Variants in KIAA1217 observed in about 807,000 individuals in gnomAD.
KIAA1217 encodes sickle tail protein homolog.
KIAA1217 carries 88 observed loss-of-function variants against 163.9 expected under a neutral mutation model. That is an observed-to-expected ratio of 0.54 (90% CI 0.45 to 0.64). The LOEUF (loss-of-function observed/expected upper bound fraction) is 0.64, where lower values mean the gene tolerates loss of function less well. KIAA1217 is among the 30% of genes least tolerant of loss of function. KIAA1217 has a pLI of 0.00. For synonymous variants in KIAA1217, 903 were observed against 923.1 expected (o/e 0.98, Z 0.39); for missense variants, 2,372 against 2,475.0 (o/e 0.96, Z 0.88).
At chr10:23,987,163 G>T (rs556373760) in intron 1 of KIAA1217, among the ~76,000 whole-genome samples, 17 of 152,106 alleles carry the variant, frequency 1.1e-4, no homozygotes, top group Admixed American at 3.9e-4. Context: ...GTATCACGAG[G>T]TCAGGAGATC....
chr10:23,853,761 G>A (rs1166277228), intron 1 of KIAA1217, among the ~76,000 whole-genome samples: 3 of 152,148 alleles, frequency 2.0e-5, no homozygotes, highest in Admixed American at 2.0e-4. Context: ...GTGTGTCGAG[G>A]AATTTATCCA....
At chr10:24,202,083 G>A in intron 2 of KIAA1217, among the ~76,000 whole-genome samples, 1 of 152,208 alleles carries the variant, frequency 6.6e-6, no homozygotes, top group Non-Finnish European at 1.5e-5. Context: ...CCTCCCGGGG[G>A]TGACATGGAA....
intron 2 of KIAA1217, among the ~76,000 whole-genome samples, chr10:24,291,153 G>A (rs974069147): frequency 6.6e-6 from 1 of 152,152 alleles, no homozygotes; most frequent in Non-Finnish European, 1.5e-5. Flanking sequence ...AAAGACCCAC[G>A]ATAACTTTTC....
intron 2 of KIAA1217, among the ~76,000 whole-genome samples, chr10:24,262,394 G>C (rs1030916913): frequency 6.6e-6 from 1 of 152,164 alleles, no homozygotes; most frequent in African/African-American, 2.4e-5. Flanking sequence ...TTGGGAGGCC[G>C]AGGTGGGTGG....
intron 3 of KIAA1217, among the ~76,000 whole-genome samples, chr10:24,385,979 C>T (rs1441534601): frequency 2.0e-5 from 3 of 152,120 alleles, no homozygotes; most frequent in East Asian, 1.9e-4. Flanking sequence ...ACTGCGTAGT[C>T]GGCCTTCGGG....
rs77947892 is a variant in KIAA1217 at position 24,007,765 on chromosome 10, C to G, written c.-171+391C>G. Among the ~76,000 whole-genome samples the G allele has an allele frequency of 4.2e-3, 636 of 152,250 alleles. 5 individuals are homozygous for G. Among genetic ancestry groups the G allele is most frequent in the African/African-American group, 0.014 (589 of 41,540 alleles). On this transcript the variant is annotated intron_variant, in intron 2 of 18. Coordinates refer to the KIAA1217 transcript ENST00000376462. ...AGGATAGAGGGAACGGTGTAGATACCTGATGACTGCCTGTGTCTATGGAGG... is the reference window on the plus strand; with the variant it reads ...AGGATAGAGGGAACGGTGTAGATACGTGATGACTGCCTGTGTCTATGGAGG...
At chr10:23,703,419 G>GGTTT (rs1261156155) in intron 1 of KIAA1217, among the ~76,000 whole-genome samples, 1 of 152,038 alleles carries the variant, frequency 6.6e-6, no homozygotes, top group African/African-American at 2.4e-5. Context: ...TCTGATTGTA[G>GGTTT]GTTTCTTCCC....
intron 2 of KIAA1217, among the ~76,000 whole-genome samples, chr10:24,294,695 G>A (rs12245068): frequency 0.013 from 1,972 of 152,270 alleles, 37 homozygotes; most frequent in African/African-American, 0.045. Context: ...CATTTAATTA[G>A]GATTTAGAAA....
intron 2 of KIAA1217, among the ~76,000 whole-genome samples, chr10:24,102,913 C>T (rs939498394): frequency 1.3e-5 from 2 of 152,062 alleles, no homozygotes; most frequent in African/African-American, 2.4e-5. Context: ...CGGGTTTTTC[C>T]CGTACTGTGC....
At chr10:24,115,998 C>T (rs1389937001) in intron 2 of KIAA1217, among the ~76,000 whole-genome samples, 4 of 152,166 alleles carry the variant, frequency 2.6e-5, no homozygotes, top group Non-Finnish European at 5.9e-5. Context: ...TTGCCCTCCC[C>T]TTGTGGCTTC....
chr10:24,080,389 C>T (rs1426490991), intron 2 of KIAA1217, among the ~76,000 whole-genome samples: 3 of 152,112 alleles, frequency 2.0e-5, no homozygotes, highest in Non-Finnish European at 2.9e-5. Context: ...CTGTCCTTGG[C>T]GTGACTAGTA....
chr10:24,516,327 C>G (rs375691055), intron 10 of KIAA1217, among the ~76,000 whole-genome samples: 14 of 152,226 alleles, frequency 9.2e-5, no homozygotes, highest in African/African-American at 3.4e-4. Flanking sequence ...CATTTGCACA[C>G]TGACTTCCTG....
chr10:24,330,681 T>A (rs984060786), intron 2 of KIAA1217, among the ~76,000 whole-genome samples: 2 of 152,140 alleles, frequency 1.3e-5, no homozygotes, highest in Non-Finnish European at 2.9e-5. Flanking sequence ...AGTGGTGTGA[T>A]CATGGCTCAC....
chr10:24,117,279 C>T (rs898904504), intron 2 of KIAA1217, among the ~76,000 whole-genome samples: 8 of 152,084 alleles, frequency 5.3e-5, no homozygotes, highest in East Asian at 1.9e-4. Context: ...TCAGGTGATC[C>T]GCCCGCCTTG....
At chr10:24,355,503 A>G (rs1432635375) in intron 2 of KIAA1217, among the ~76,000 whole-genome samples, 2 of 151,936 alleles carry the variant, frequency 1.3e-5, no homozygotes, top group Admixed American at 6.6e-5. Flanking sequence ...CTCTTTTTAG[A>G]AGGACACTAA....
At chr10:24,274,328 G>A (rs772115151) in intron 2 of KIAA1217, among the ~76,000 whole-genome samples, 45 of 151,902 alleles carry the variant, frequency 3.0e-4, no homozygotes, top group Non-Finnish European at 5.7e-4. Context: ...AGAACTACTG[G>A]TGCATGCCAC....
intron 3 of KIAA1217, among the ~76,000 whole-genome samples, chr10:24,393,998 A>G (rs979945305): frequency 7.2e-5 from 11 of 152,254 alleles, no homozygotes; most frequent in African/African-American, 2.7e-4. Context: ...TCTTCAAGAC[A>G]TTAAAATTGT....
At chr10:23,963,671 G>A (rs1667186433) in intron 1 of KIAA1217, among the ~76,000 whole-genome samples, 1 of 152,100 alleles carries the variant, frequency 6.6e-6, no homozygotes, top group African/African-American at 2.4e-5. Flanking sequence ...TCTGGTTCTA[G>A]ATCCTTGAGG....
At chr10:23,989,289 C>T (rs1846113488) in intron 1 of KIAA1217, among the ~76,000 whole-genome samples, 1 of 152,144 alleles carries the variant, frequency 6.6e-6, no homozygotes. Flanking sequence ...GAAAAAAGCA[C>T]ACAAATGTAT....
Sources: allele counts gnomAD v4.1 joint callset (sites outside exome capture counted in the v4.1 genomes callset), GRCh38; gene constraint gnomAD v4.1.1; transcripts MANE v1.5; gene names NCBI Gene and HGNC (gene_info 2026-07-23, HGNC 2026-07-21).